Variants in SAMD5 observed in about 807,000 individuals in gnomAD.
The protein encoded by SAMD5 is sterile alpha motif domain-containing protein 5.
A neutral mutation model predicts 11.3 loss-of-function variants in SAMD5; 13 were observed. The ratio of observed to expected loss-of-function variants is 1.15; its 90% CI spans 0.75 to 1.83. The LOEUF is 1.83. SAMD5 is among the 40% of genes most tolerant of loss of function. The probability of loss-of-function intolerance (pLI) is 0.00; values close to 1 mark genes in which losing one functional copy is unlikely to be tolerated. For missense variants in SAMD5, 255 were observed against 239.1 expected, an observed-to-expected ratio of 1.07 and a Z score of -0.44; for synonymous variants, 129 against 111.3, an observed-to-expected ratio of 1.16 and a Z score of -1.00.
intron 1 of SAMD5, among the ~76,000 whole-genome samples, chr6:147,556,155 T>G (rs1474788013): frequency 6.6e-6 from 1 of 151,954 alleles, no homozygotes; most frequent in African/African-American, 2.4e-5. Flanking sequence ...TGCAGTGGTG[T>G]GATCTTGGCT....
At chr6:147,847,673 T>A in the SAMD5 span, among the ~76,000 whole-genome samples, 1 of 152,006 alleles carries the variant, frequency 6.6e-6, no homozygotes, top group Non-Finnish European at 1.5e-5. Flanking sequence ...GCCAAGGTGG[T>A]GAAACCCCAT....
At position 147,606,730 on chromosome 6, in the gene SAMD5, A is replaced by C. The variant is rs150415173; in HGVS notation, c.162+97343A>C. Among the ~76,000 whole-genome samples, 28 of 151,934 alleles carry C rather than the reference A, an allele frequency of 1.8e-4. 1 individual carries two copies. The highest frequency in any genetic ancestry group is 6.7e-4 in the African/African-American group (28 of 41,516). On this transcript the variant is annotated intron_variant, in intron 1 of 1. Coordinates refer to the SAMD5 transcript ENST00000566741. ...ATATAAATATGTATAAAATATACAT[A>C]TATACTCTCAATTAATCCTCACAAC...
the SAMD5 span, among the ~76,000 whole-genome samples, chr6:147,873,342 A>G: frequency 6.6e-6 from 1 of 151,152 alleles, no homozygotes; most frequent in South Asian, 2.1e-4. Context: ...GCGCCACTGC[A>G]CTCCAGCCTG....
chr6:147,581,805 T>C (rs1789302681), intron 1 of SAMD5, among the ~76,000 whole-genome samples: 1 of 151,972 alleles, frequency 6.6e-6, no homozygotes, highest in Admixed American at 6.6e-5. Flanking sequence ...TATTTGGCTG[T>C]GAAGAGAGGG....
At chr6:147,848,842 C>T in the SAMD5 span, among the ~76,000 whole-genome samples, 1 of 152,212 alleles carries the variant, frequency 6.6e-6, no homozygotes, top group Non-Finnish European at 1.5e-5. Flanking sequence ...TTAGCCATTT[C>T]GTTTTCATCT....
At chr6:147,720,710 T>C (rs1220443746) in intron 1 of SAMD5, among the ~76,000 whole-genome samples, 1 of 152,110 alleles carries the variant, frequency 6.6e-6, no homozygotes, top group Non-Finnish European at 1.5e-5. Context: ...TTTATTTTAT[T>C]ATTATACTTT....
chr6:147,936,109 C>T, the SAMD5 span, among the ~76,000 whole-genome samples: 2 of 152,030 alleles, frequency 1.3e-5, no homozygotes, highest in South Asian at 4.1e-4. Context: ...AGTAGTTTCT[C>T]GATACAGATG....
At chr6:147,753,256 G>A in the SAMD5 span, among the ~76,000 whole-genome samples, 1 of 152,130 alleles carries the variant, frequency 6.6e-6, no homozygotes, top group African/African-American at 2.4e-5. Flanking sequence ...CAGGAGTAGA[G>A]GAATTTGTTG....
intron 1 of SAMD5, among the ~76,000 whole-genome samples, chr6:147,512,585 A>C (rs1788106815): frequency 6.6e-6 from 1 of 152,216 alleles, no homozygotes; most frequent in Admixed American, 6.5e-5. Context: ...AGGGAACTCT[A>C]TAGCTTTGAA....
chr6:147,810,548 T>C, the SAMD5 span, among the ~76,000 whole-genome samples: 1 of 152,042 alleles, frequency 6.6e-6, no homozygotes, highest in Non-Finnish European at 1.5e-5. Context: ...CAAATAGAGA[T>C]GGTAGAAAAG....
In SAMD5 at chr6:147,567,381, G is replaced by A. The variant is rs573912091; in HGVS notation, c.*2925G>A. The A allele has an allele frequency of 2.1e-5, 21 of 984,196 alleles. 1 individual carries two copies. In the African/African-American group the frequency reaches 3.3e-4, roughly 16 times the overall value. The allele number at this position is 984,196 out of a possible 1,614,324, so 61.0% of individuals were successfully genotyped here. ...ACAACAAGCATTGAGCTTTCACTTT[G>A]GAGTTACTCAGATCTGAGTTTAAAT... On this transcript the variant is annotated 3_prime_UTR_variant, in exon 2 of 2. Coordinates refer to ENST00000367474, the MANE Select transcript of SAMD5 (RefSeq NM_001030060.3).
rs186195096 is a variant in SAMD5, at chr6:147,559,562, G to A, written c.460-4832G>A. Among the ~76,000 whole-genome samples, 1,133 of 152,248 alleles carry A rather than the reference G, an allele frequency of 7.4e-3. 9 individuals carry two copies. The highest frequency in any genetic ancestry group is 0.012 in the Non-Finnish European group (789 of 68,020). ...TTAGAACTTGTGTGGCCCTGAAGAG[G>A]CAGCGAGAAGCCCTGAATTTTTCTC... On this transcript the variant is annotated intron_variant, in intron 1 of 1. Coordinates refer to ENST00000367474, the MANE Select transcript of SAMD5 (RefSeq NM_001030060.3).
At chr6:147,549,782 G>A (rs538950237) in intron 1 of SAMD5, among the ~76,000 whole-genome samples, 3 of 151,826 alleles carry the variant, frequency 2.0e-5, no homozygotes, top group South Asian at 4.2e-4. Flanking sequence ...ATCCACCACC[G>A]GAGCAAATTA....
Position 147,564,739 on chromosome 6 carries a change from C to A in SAMD5, c.*283C>A. The A allele has an allele frequency of 9.4e-7, 1 of 1,069,072 alleles. No homozygotes were observed. The highest frequency in any genetic ancestry group is 7.2e-5 in the East Asian group (1 of 13,860). The allele number at this position is 1,069,072 out of a possible 1,614,324, so 66.2% of individuals were successfully genotyped here. On this transcript the variant is annotated 3_prime_UTR_variant, in exon 2 of 2. Coordinates refer to ENST00000367474, the MANE Select transcript of SAMD5 (RefSeq NM_001030060.3). ...AGATACAGTCTTATGCATTTCTTGG[C>A]ATTCTCCCTTCCATTCTTAATGAAA... is the stretch of plus-strand genomic sequence containing the variant.
intron 1 of SAMD5, among the ~76,000 whole-genome samples, chr6:147,645,220 A>AGG (rs1004187678): frequency 6.6e-6 from 1 of 152,142 alleles, no homozygotes; most frequent in Non-Finnish European, 1.5e-5. Flanking sequence ...ATGTGCAAGG[A>AGG]GGGATGACAA....
the SAMD5 span, among the ~76,000 whole-genome samples, chr6:147,951,190 T>TTTCTTTCTTTCTTTC: frequency 3.5e-5 from 5 of 142,804 alleles, no homozygotes; most frequent in East Asian, 8.6e-4. Flanking sequence ...TCTTTCTTTC[T>TTTCTTTCTTTCTTTC]TTTTTTTTTT....
In SAMD5 at chr6:147,565,703, A is replaced by G; in HGVS notation, c.*1247A>G. Reference sequence around the variant, plus strand: ...TTGAACTCCTGGCCTCAAATGATCCACTCGCCGTGGCCTCCAGTAGCGCTG... The same window carrying G: ...TTGAACTCCTGGCCTCAAATGATCCGCTCGCCGTGGCCTCCAGTAGCGCTG... On this transcript the variant is annotated 3_prime_UTR_variant, in exon 2 of 2. Coordinates refer to ENST00000367474, the MANE Select transcript of SAMD5 (RefSeq NM_001030060.3). 2.3e-6 allele frequency: 2 copies of G among 888,400 alleles called. No homozygotes were observed. The highest frequency in any genetic ancestry group is 2.7e-6 in the Non-Finnish European group (2 of 742,392). The allele number at this position is 888,400 out of a possible 1,614,324, so 55.0% of individuals were successfully genotyped here. A position where few individuals can be genotyped will look rare whatever the true frequency, so the allele number is the denominator to read the frequency against.
At chr6:147,590,618 G>C (rs1276541391) in intron 1 of SAMD5, among the ~76,000 whole-genome samples, 1 of 152,102 alleles carries the variant, frequency 6.6e-6, no homozygotes, top group African/African-American at 2.4e-5. Context: ...TCATCATGTT[G>C]CCTAGGCTGG....
intron 1 of SAMD5, among the ~76,000 whole-genome samples, chr6:147,551,077 T>C (rs1788764083): frequency 6.6e-6 from 1 of 152,228 alleles, no homozygotes; most frequent in African/African-American, 2.4e-5. Flanking sequence ...GCTGTCATTC[T>C]GTAATACCTT....
Sources: gnomAD v4.1 joint callset for allele counts (sites outside exome capture counted in the v4.1 genomes callset) on GRCh38, gnomAD v4.1.1 for gene constraint, MANE v1.5 for transcripts, NCBI Gene and HGNC (gene_info 2026-07-23, HGNC 2026-07-21) for gene names.